Variants in SPRED2 observed in about 807,000 individuals in gnomAD.
SPRED2 encodes the protein sprouty related EVH1 domain containing 2, also known as sprouty-related, EVH1 domain-containing protein 2.
Under a neutral mutation model 43.0 loss-of-function variants are expected in SPRED2, and 47 were observed. The ratio of observed to expected loss-of-function variants is 1.09; its 90% CI spans 0.87 to 1.40. The LOEUF is 1.40. Ranked by LOEUF, SPRED2 falls within the 40% of genes most tolerant of loss-of-function variation. The pLI is 0.00. For synonymous variants in SPRED2, 225 were observed against 225.7 expected (o/e 1.00, Z 0.03); for missense variants, 561 against 586.4 (o/e 0.96, Z 0.45).
At position 65,348,310 on chromosome 2, in the gene SPRED2, T is replaced by C. The variant is rs1674410341; in HGVS notation, c.27-3414A>G. On this transcript the variant is annotated intron_variant, in intron 1 of 5. Coordinates refer to ENST00000356388, the MANE Select transcript of SPRED2 (RefSeq NM_181784.3). ...CCTCTTAAATCTTCTCCCCTCTGCT[T>C]TGGCTTTCTATATGCTACTAAATCA... Among the ~76,000 whole-genome samples, 3 of 152,180 alleles carry C rather than the reference T, an allele frequency of 2.0e-5. No individual in the cohort carries two copies. In the South Asian group the frequency reaches 6.2e-4, roughly 32 times the overall value.
intron 5 of SPRED2, 92 bp downstream of exon 5, chr2:65,316,642 C>A: frequency 1.4e-6 from 2 of 1,461,194 alleles, no homozygotes; most frequent in South Asian, 2.6e-5. Flanking sequence ...GGCCTGTGGT[C>A]ATGGAATTTG....
At chr2:65,430,047 C>T (rs748269041) in intron 1 of SPRED2, among the ~76,000 whole-genome samples, 1 of 152,176 alleles carries the variant, frequency 6.6e-6, no homozygotes, top group African/African-American at 2.4e-5. Flanking sequence ...CAAACCTCTC[C>T]AAGAATCTGC....
At chr2:65,396,921 T>TC (rs1229909043) in intron 1 of SPRED2, among the ~76,000 whole-genome samples, 36 of 152,318 alleles carry the variant, frequency 2.4e-4, no homozygotes, top group African/African-American at 8.7e-4. Context: ...ACCAGGCCTG[T>TC]CTGCTTAGCA....
chr2:65,426,526 A>C (rs116122639), intron 1 of SPRED2, among the ~76,000 whole-genome samples: 46 of 152,352 alleles, frequency 3.0e-4, no homozygotes, highest in African/African-American at 1.0e-3. Context: ...GCTGGGTATA[A>C]GCCCAACTTG....
intron 1 of SPRED2, among the ~76,000 whole-genome samples, chr2:65,355,177 G>A (rs886146669): frequency 6.6e-5 from 10 of 152,126 alleles, no homozygotes; most frequent in Non-Finnish European, 1.0e-4. Context: ...GAGACTCCTG[G>A]GCATATGCCT....
intron 1 of SPRED2, among the ~76,000 whole-genome samples, chr2:65,387,687 TAA>T (rs1675532351): frequency 1.3e-5 from 2 of 152,148 alleles, no homozygotes; most frequent in Admixed American, 1.3e-4. Flanking sequence ...AATTTAGATC[TAA>T]AGACTATGAA....
chr2:65,353,385 C>G (rs979115436), intron 1 of SPRED2, among the ~76,000 whole-genome samples: 2 of 152,196 alleles, frequency 1.3e-5, no homozygotes, highest in African/African-American at 4.8e-5. Context: ...CACCCACACA[C>G]TATTTTCCAG....
chr2:65,334,808 G>T (rs752367268), intron 2 of SPRED2, 35 bp from the exon 3 acceptor site: 1 of 1,606,530 alleles, frequency 6.2e-7, no homozygotes, highest in Non-Finnish European at 8.5e-7. Flanking sequence ...GGTTACTAGT[G>T]GAACAGCCAT....
chr2:65,335,420 C>T (rs184951707), intron 2 of SPRED2, among the ~76,000 whole-genome samples: 1 of 152,298 alleles, frequency 6.6e-6, no homozygotes, highest in East Asian at 1.9e-4. Flanking sequence ...AAGTTTCTAG[C>T]AATTTAATCT....
rs186315012 is a variant in SPRED2, at chr2:65,327,965, G to A, written c.438+4022C>T. Among the ~76,000 whole-genome samples the A allele has an allele frequency of 5.1e-3, 780 of 151,944 alleles. 5 individuals carry two copies. Among genetic ancestry groups the A allele is most frequent in the Non-Finnish European group, 8.3e-3 (564 of 67,938 alleles). On this transcript the variant is annotated intron_variant, in intron 4 of 5. Transcript: ENST00000356388. Reference sequence around the variant, plus strand: ...TCTTGAATTGCTGACCTCGTGATCCGCCCACCTTGGCCTCCCAAAGTGCTG... The same window carrying A: ...TCTTGAATTGCTGACCTCGTGATCCACCCACCTTGGCCTCCCAAAGTGCTG...
At chr2:65,407,245 C>CTTTTTTTTT (rs70943650) in intron 1 of SPRED2, among the ~76,000 whole-genome samples, 60,298 of 119,374 alleles carry the variant, frequency 0.51, 16,826 homozygotes, top group Non-Finnish European at 0.58. Context: ...GCGCTGGCTC[C>CTTTTTTTTT]TTTTTTTTTT....
chr2:65,338,774 A>G lies in SPRED2; in HGVS notation c.205-4001T>C, dbSNP rs1331775734. Among the ~76,000 whole-genome samples the G allele has an allele frequency of 7.2e-5, 10 of 139,318 alleles. No homozygotes were observed. In the East Asian group the frequency reaches 1.5e-3, roughly 21 times the overall value. 91.4% of individuals were successfully genotyped at this position (139,318 alleles called of 152,430 possible). A position where few individuals can be genotyped will look rare whatever the true frequency, so the allele number is the denominator to read the frequency against. On this transcript the variant is annotated intron_variant, in intron 2 of 5. Transcript: ENST00000356388. ...CTGGCTGCCCATCGTCTGGGATGTG[A>G]GGAGCCCCTCTGCCTGGCTGCCCAG...
intron 1 of SPRED2, among the ~76,000 whole-genome samples, chr2:65,412,829 A>T (rs1178616136): frequency 6.6e-6 from 1 of 152,234 alleles, no homozygotes; most frequent in Non-Finnish European, 1.5e-5. Context: ...CTCCACAGGA[A>T]GATGGATTTG....
At position 65,404,759 on chromosome 2, in the gene SPRED2, A is replaced by G. The variant is rs888614039; in HGVS notation, c.26+27203T>C. ...AGCAAACAGGACTGGCTGTAGGTCT[A>G]TAAAAAACACGTGCCTGTTTCTTAC... On this transcript the variant is annotated intron_variant, in intron 1 of 5. Coordinates refer to ENST00000356388, the MANE Select transcript of SPRED2 (RefSeq NM_181784.3). Among the ~76,000 whole-genome samples the G allele has an allele frequency of 3.3e-5, 5 of 152,314 alleles. No homozygotes were observed. In the East Asian group the frequency reaches 7.7e-4, roughly 24 times the overall value.
At chr2:65,395,113 G>A (rs574745535) in intron 1 of SPRED2, among the ~76,000 whole-genome samples, 2 of 152,156 alleles carry the variant, frequency 1.3e-5, no homozygotes, top group Admixed American at 1.3e-4. Flanking sequence ...GTTCATCCCC[G>A]TGTCCCTGCC....
At chr2:65,321,898 G>A (rs1673424095) in intron 4 of SPRED2, among the ~76,000 whole-genome samples, 1 of 151,660 alleles carries the variant, frequency 6.6e-6, no homozygotes, top group Admixed American at 6.6e-5. Flanking sequence ...TCAGCCTCCC[G>A]AGTGGCTGGG....
chr2:65,406,796 T>G (rs1676034768), intron 1 of SPRED2, among the ~76,000 whole-genome samples: 1 of 152,188 alleles, frequency 6.6e-6, no homozygotes, highest in Non-Finnish European at 1.5e-5. Context: ...CAGCCGCACT[T>G]CCTTAGAGAT....
At chr2:65,330,852 G>A (rs555162657) in intron 4 of SPRED2, among the ~76,000 whole-genome samples, 4 of 152,154 alleles carry the variant, frequency 2.6e-5, no homozygotes, top group Admixed American at 1.3e-4. Flanking sequence ...AAGCTCACAC[G>A]CTTGCACAGA....
intron 1 of SPRED2, among the ~76,000 whole-genome samples, chr2:65,356,553 TTTTTTG>T (rs1460347070): frequency 3.6e-5 from 5 of 140,840 alleles, no homozygotes; most frequent in Admixed American, 7.0e-5. Flanking sequence ...TTTTTTTTTT[TTTTTTG>T]TGTGTGTGTA....
Sources: allele counts gnomAD v4.1 joint callset (sites outside exome capture counted in the v4.1 genomes callset), GRCh38; gene constraint gnomAD v4.1.1; transcripts MANE v1.5; gene names NCBI Gene and HGNC (gene_info 2026-07-23, HGNC 2026-07-21).